The following SRCIN1 variants were observed in gnomAD, a reference collection of about 807,000 sequenced individuals.
The protein encoded by SRCIN1 is P130Cas-associated protein.
In SRCIN1, 50 loss-of-function variants were observed where a neutral mutation model predicts 116.2. That is an observed-to-expected ratio of 0.43 (90% CI 0.34 to 0.54). SRCIN1 has a LOEUF of 0.54. Among genes scored for constraint, SRCIN1 ranks in the 20% least tolerant of loss-of-function variants. SRCIN1 has a pLI of 0.02. For missense variants in SRCIN1, 1,446 were observed against 1,672.0 expected, an observed-to-expected ratio of 0.86 and a Z score of 2.36; for synonymous variants, 736 against 750.0, an observed-to-expected ratio of 0.98 and a Z score of 0.30.
chr17:38,590,739 C>T (rs1908395342), intron 1 of SRCIN1, among the ~76,000 whole-genome samples: 1 of 151,870 alleles, frequency 6.6e-6, no homozygotes, highest in Non-Finnish European at 1.5e-5. Flanking sequence ...TGCCGGGGTG[C>T]TTAGCCCATT....
rs1000946271 is a variant in SRCIN1, at chr17:38,552,322, G to A, written c.2480+125C>T. ...CATGCAGGGGTCACAGGGCAGAGCT[G>A]AGGTGCCAGTCCAGTCGGCACGCCA... On this transcript the variant is annotated intron_variant, in intron 13 of 18. Transcript: ENST00000617146. This position sits in a 1 kb window ranked among gnomAD's most constrained non-coding sequence, Gnocchi z 5.3. 1.0e-5 allele frequency: 15 copies of A among 1,435,462 alleles called. No homozygotes were observed. In the African/African-American group the frequency reaches 2.0e-4, roughly 19 times the overall value. 88.9% of individuals were successfully genotyped at this position (1,435,462 alleles called of 1,614,324 possible).
rs1487276270 is a variant in SRCIN1 at position 38,604,508 on chromosome 17, G to T, written c.22+1176C>A. The T allele has an allele frequency of 2.2e-6, 1 of 454,466 alleles. No homozygotes were observed. Among genetic ancestry groups the T allele is most frequent in the Non-Finnish European group, 4.4e-6 (1 of 226,076 alleles). The allele number at this position is 454,466 out of a possible 1,614,324, so 28.2% of individuals were successfully genotyped here. On this transcript the variant is annotated intron_variant, in intron 1 of 18. Coordinates refer to ENST00000617146, the MANE Select transcript of SRCIN1 (RefSeq NM_025248.3). This position sits in a 1 kb window ranked among gnomAD's most constrained non-coding sequence, Gnocchi z 4.3. ...CTCCCCTCGGCCCCCAGGGTCCCTCGGTCCAGCCTCCTCCCTGGGAGAGCG... is the reference window on the plus strand; with the variant it reads ...CTCCCCTCGGCCCCCAGGGTCCCTCTGTCCAGCCTCCTCCCTGGGAGAGCG...
At chr17:38,542,866 C>G (rs1482131773) in intron 18 of SRCIN1, 2 of 338,728 alleles carry the variant, frequency 5.9e-6, no homozygotes, top group Non-Finnish European at 1.2e-5. Context: ...GAGTCTAGAA[C>G]CTTCTCTAAC....
chr17:38,576,328 C>T (rs915677878), intron 2 of SRCIN1, among the ~76,000 whole-genome samples: 3 of 152,126 alleles, frequency 2.0e-5, no homozygotes, highest in Admixed American at 6.5e-5. Context: ...CCCGGCCAGT[C>T]GCGATGTCTG....
chr17:38,563,012 G>A lies in SRCIN1; in HGVS notation c.741-92C>T. Reference sequence around the variant, plus strand: ...TACTCCAGGCCTAGAGAAGAGGGGTGGCCAGAGGCACCGGGAGCCCCATCT... The same window carrying A: ...TACTCCAGGCCTAGAGAAGAGGGGTAGCCAGAGGCACCGGGAGCCCCATCT... On this transcript the variant is annotated intron_variant, in intron 5 of 18. Transcript: ENST00000617146. This position sits in a 1 kb window ranked among gnomAD's most constrained non-coding sequence, Gnocchi z 5.8. 9.0e-7 allele frequency: 1 copy of A among 1,108,798 alleles called. No individual in the cohort carries two copies. The highest frequency in any genetic ancestry group is 1.3e-6 in the Non-Finnish European group (1 of 752,646). 68.7% of individuals were successfully genotyped at this position (1,108,798 alleles called of 1,614,324 possible).
chr17:38,547,105 A>G (rs560834708), intron 17 of SRCIN1, among the ~76,000 whole-genome samples: 45 of 152,366 alleles, frequency 3.0e-4, no homozygotes, highest in African/African-American at 1.1e-3. Context: ...GAGAAGGAAG[A>G]ATTTCCCAAT....
chr17:38,552,813 G>A lies in SRCIN1; in HGVS notation c.2244C>T (p.Ser748=), dbSNP rs1424352246. 4.3e-6 allele frequency: 7 copies of A among 1,613,986 alleles called. No homozygotes were observed. Among genetic ancestry groups the A allele is most frequent in the Non-Finnish European group, 5.9e-6 (7 of 1,179,898 alleles). Residue 748 remains serine (S), a synonymous_variant, in exon 12 of 19, where the codon TCC becomes TCT. Transcript: ENST00000617146. The surrounding 1 kb of genome is among the most constrained non-coding windows in gnomAD (Gnocchi z 5.3). ...KSVEKIQRDV[S]HNHRLVPGPE... ...GGCCGGGCACCAGCCGGTGGTTGTG[G>A]GACACGTCTCTCTGGATCTTCTCCA...
rs377756758 is a variant in SRCIN1, at chr17:38,564,294, G to A, written c.365C>T (p.Thr122Ile). The A allele has an allele frequency of 1.3e-6, 2 of 1,565,592 alleles. No individual in the cohort carries two copies. The highest frequency in any genetic ancestry group is 1.7e-6 in the Non-Finnish European group (2 of 1,159,706). Residue 122 changes from threonine to isoleucine, a missense_variant, in exon 4 of 19, where the codon ACT (threonine) becomes ATT (isoleucine). Around this residue, in one of 5 missense-constraint regions of SRCIN1, gnomAD observed 246 missense variants for 265.1 expected, o/e 0.93. Transcript: ENST00000617146. The part of the protein sequence containing the change: ...WSFKTRSSRH[T>I]QGAQPGLADQ... ...TGCCAGCCCGGGCTGGGCTCCCTGA[G>A]TGTGGCGTGAGCTGCGGGTCTGCAG...
chr17:38,564,026 T>G (rs1597906597), intron 4 of SRCIN1, 92 bp downstream of exon 4: 1 of 1,345,268 alleles, frequency 7.4e-7, no homozygotes. Context: ...TGAGGCGAGC[T>G]GGCGTGCTGT....
intron 1 of SRCIN1, among the ~76,000 whole-genome samples, chr17:38,590,832 T>TC (rs1908400301): frequency 6.6e-6 from 1 of 152,216 alleles, no homozygotes; most frequent in African/African-American, 2.4e-5. Context: ...CTGTGAGTAC[T>TC]CATCTAAGCC....
Position 38,562,475 on chromosome 17 carries a change from CT to C in SRCIN1, c.835-148del. 4 of 1,054,138 alleles carry C rather than the reference CT, an allele frequency of 3.8e-6. No homozygotes were observed. The highest frequency in any genetic ancestry group is 5.2e-6 in the Non-Finnish European group (4 of 773,806). 65.3% of individuals were successfully genotyped at this position (1,054,138 alleles called of 1,614,324 possible). A position where few individuals can be genotyped will look rare whatever the true frequency, so the allele number is the denominator to read the frequency against. On this transcript the variant is annotated intron_variant, in intron 6 of 18. Transcript: ENST00000617146. This position sits in a 1 kb window ranked among gnomAD's most constrained non-coding sequence, Gnocchi z 4.2. ...CTCCATCCTGCTGCGTCTAGGGTCCCTTTCCCATCAGGGTTCCTAGCATGGA... is the reference window on the plus strand; with the variant it reads ...CTCCATCCTGCTGCGTCTAGGGTCCCTTCCCATCAGGGTTCCTAGCATGGA...
At chr17:38,549,299 C>A (rs1905251564) in intron 15 of SRCIN1, 89 bp from the exon 16 acceptor site, 2 of 1,323,936 alleles carry the variant, frequency 1.5e-6, no homozygotes, top group African/African-American at 1.5e-5. Context: ...AACCTTGCTT[C>A]TTCCTCCAGG....
rs1031752903 is a variant in SRCIN1 at position 38,551,512 on chromosome 17, C to T, written c.2728-123G>A. 2.9e-5 allele frequency: 25 copies of T among 860,324 alleles called. No homozygotes were observed. In the African/African-American group the frequency reaches 3.1e-4, roughly 11 times the overall value. The allele number at this position is 860,324 out of a possible 1,614,324, so 53.3% of individuals were successfully genotyped here. ...GAAAACGAAGCCTCATATTTGATCC[C>T]ACCTCCAGGAAGACACTTTGACTTC... On this transcript the variant is annotated intron_variant, in intron 14 of 18. Transcript: ENST00000617146.
At chr17:38,566,214 G>A (rs1906672310) in intron 3 of SRCIN1, among the ~76,000 whole-genome samples, 1 of 152,172 alleles carries the variant, frequency 6.6e-6, no homozygotes. Flanking sequence ...GGGTCCAAAT[G>A]AAGGGAGGCA....
At position 38,552,585 on chromosome 17, in the gene SRCIN1, G is replaced by T; in HGVS notation, c.2342C>A (p.Pro781Gln). Residue 781 changes from proline to glutamine, a missense_variant, in exon 13 of 19, where the codon CCG becomes CAG. Coordinates refer to ENST00000617146, the MANE Select transcript of SRCIN1 (RefSeq NM_025248.3). This position sits in a 1 kb window ranked among gnomAD's most constrained non-coding sequence, Gnocchi z 5.3. ...ETLTELKAHF[P>Q]GLQSKMRVVL... is the part of the protein sequence containing the mutation. ...CACCCGCATCTTGCTCTGCAGGCCC[G>T]GGAAGTGAGCTGAGGAGACAGGAAG... 2 of 1,611,894 alleles carry T rather than the reference G, an allele frequency of 1.2e-6. No homozygotes were observed. Among genetic ancestry groups the T allele is most frequent in the Non-Finnish European group, 1.7e-6 (2 of 1,179,370 alleles).
At chr17:38,600,497 T>A (rs144636225) in intron 1 of SRCIN1, among the ~76,000 whole-genome samples, 48 of 152,262 alleles carry the variant, frequency 3.2e-4, no homozygotes, top group African/African-American at 1.1e-3. Context: ...TCACTGACCA[T>A]CTCTGAGGCC....
intron 1 of SRCIN1, among the ~76,000 whole-genome samples, chr17:38,588,548 G>T (rs1185861450): frequency 1.4e-5 from 2 of 143,006 alleles, no homozygotes; most frequent in Non-Finnish European, 2.9e-5. Flanking sequence ...GAAGGCCGGT[G>T]CCTGTCCTCA....
intron 1 of SRCIN1, among the ~76,000 whole-genome samples, chr17:38,597,327 C>T (rs1908778708): frequency 1.3e-5 from 2 of 152,188 alleles, no homozygotes; most frequent in South Asian, 4.1e-4. Flanking sequence ...GCTCCAGGGG[C>T]CCAGCCCCAG....
rs117616378 is a variant in SRCIN1 at position 38,595,640 on chromosome 17, C to T, written c.22+10044G>A. ...ACAAAATGGTCCCATCTTCTCCCAT[C>T]CCCCACCCTCTGGGCATCACTGGAA... On this transcript the variant is annotated intron_variant, in intron 1 of 18. Transcript: ENST00000617146. 7.6e-3 allele frequency among the ~76,000 whole-genome samples: 1,159 copies of T among 152,272 alleles called. 8 individuals carry two copies. The highest frequency in any genetic ancestry group is 0.023 in the South Asian group (113 of 4,828).
Sources: gnomAD v4.1 joint callset for allele counts (sites outside exome capture counted in the v4.1 genomes callset) on GRCh38, gnomAD v4.1.1 for gene constraint, gnomAD v4.1.1 regional missense constraint, Gnocchi (gnomAD v3.1) non-coding constraint, MANE v1.5 for transcripts, NCBI Gene and HGNC (gene_info 2026-07-23, HGNC 2026-07-21) for gene names.